CDC42BPA: variants seen among roughly 807,000 people sequenced by gnomAD.
CDC42BPA encodes CDC42 binding protein kinase alpha.
Under a neutral mutation model 223.5 loss-of-function variants are expected in CDC42BPA, and 80 were observed. The ratio of observed to expected loss-of-function variants is 0.36; its 90% confidence interval spans 0.30 to 0.43. CDC42BPA has a LOEUF of 0.43. Ranked by LOEUF, CDC42BPA falls within the 20% of genes least tolerant of loss-of-function variation. The pLI is 1.00. For missense variants in CDC42BPA, 1,743 were observed against 2,099.9 expected (o/e 0.83, Z 3.32); for synonymous variants, 694 against 718.6 (o/e 0.97, Z 0.55).
At chr1:227,224,404 G>T (rs1360954043) in intron 2 of CDC42BPA, among the ~76,000 whole-genome samples, 3 of 151,964 alleles carry the variant, frequency 2.0e-5, no homozygotes, top group African/African-American at 7.2e-5. Flanking sequence ...GGCTAATTTT[G>T]TATGTTTAGT....
intron 3 of CDC42BPA, among the ~76,000 whole-genome samples, chr1:227,208,653 A>C (rs1220908453): frequency 1.3e-5 from 2 of 148,898 alleles, no homozygotes; most frequent in African/African-American, 4.9e-5. Context: ...TTTGTCAAAG[A>C]TCAGATAGTT....
At chr1:227,013,410 A>C (rs1246056834) in intron 34 of CDC42BPA, among the ~76,000 whole-genome samples, 3 of 151,562 alleles carry the variant, frequency 2.0e-5, no homozygotes, top group Non-Finnish European at 4.4e-5. Flanking sequence ...TTTTTCTTAA[A>C]GTGGTGGAAG....
chr1:227,044,452 T>C (rs1672003636), intron 23 of CDC42BPA, among the ~76,000 whole-genome samples: 1 of 152,214 alleles, frequency 6.6e-6, no homozygotes, highest in East Asian at 1.9e-4. Context: ...ATCAAATTAA[T>C]ACATACACAT....
At chr1:227,077,754 T>A (rs1201336979) in intron 17 of CDC42BPA, among the ~76,000 whole-genome samples, 2 of 152,118 alleles carry the variant, frequency 1.3e-5, no homozygotes, top group Non-Finnish European at 2.9e-5. Context: ...TGTATCATCT[T>A]CCCCAAGGGT....
At chr1:227,022,086 A>C (rs1667488059) in intron 32 of CDC42BPA, among the ~76,000 whole-genome samples, 1 of 152,164 alleles carries the variant, frequency 6.6e-6, no homozygotes, top group African/African-American at 2.4e-5. Context: ...TAAACATTTT[A>C]ATGTGTTTTC....
At chr1:227,226,611 G>A (rs1044922249) in intron 2 of CDC42BPA, among the ~76,000 whole-genome samples, 2 of 152,102 alleles carry the variant, frequency 1.3e-5, no homozygotes, top group Non-Finnish European at 2.9e-5. Context: ...CCTCAGCTGC[G>A]AAGACCAGCC....
chr1:227,016,333 T>C (rs1340151798), intron 33 of CDC42BPA, 136 bp from the exon 34 acceptor site: 3 of 632,682 alleles, frequency 4.7e-6, no homozygotes, highest in African/African-American at 1.9e-5. Context: ...TAACAGAATA[T>C]ACTCAATTAA....
At chr1:227,244,178 T>A (rs557997410) in intron 2 of CDC42BPA, among the ~76,000 whole-genome samples, 1 of 152,264 alleles carries the variant, frequency 6.6e-6, no homozygotes, top group East Asian at 1.9e-4. Flanking sequence ...TAAATTTGTA[T>A]CAAACACAAA....
chr1:227,072,376 C>T (rs533241462), intron 19 of CDC42BPA, 77 bp from the exon 20 acceptor site: 3 of 800,016 alleles, frequency 3.7e-6, no homozygotes, highest in African/African-American at 3.5e-5. Flanking sequence ...TGTAGCCAAA[C>T]TTACTTGGTT....
chr1:227,303,118 G>A (rs1238070480), intron 1 of CDC42BPA, among the ~76,000 whole-genome samples: 1 of 151,370 alleles, frequency 6.6e-6, no homozygotes, highest in African/African-American at 2.4e-5. Flanking sequence ...TCAGATGTCT[G>A]GCAATTCTAT....
At chr1:227,119,678 G>T in intron 12 of CDC42BPA, 126 bp downstream of exon 12, 1 of 618,686 alleles carries the variant, frequency 1.6e-6, no homozygotes, top group Non-Finnish European at 2.4e-6. Flanking sequence ...TAAATTTTTA[G>T]ACCAACTTTT....
chr1:227,194,730 A>G (rs1267933738), intron 4 of CDC42BPA, among the ~76,000 whole-genome samples: 3 of 152,190 alleles, frequency 2.0e-5, no homozygotes, highest in Admixed American at 6.5e-5. Context: ...TGTACATTAT[A>G]TATTATTTTT....
At chr1:227,163,442 G>A (rs1038344188) in intron 5 of CDC42BPA, among the ~76,000 whole-genome samples, 5 of 152,078 alleles carry the variant, frequency 3.3e-5, no homozygotes, top group African/African-American at 9.7e-5. Context: ...ATGTAGAAGT[G>A]AAATTTCTGA....
At chr1:227,176,709 T>G (rs1558681613) in intron 5 of CDC42BPA, among the ~76,000 whole-genome samples, 1 of 152,160 alleles carries the variant, frequency 6.6e-6, no homozygotes, top group Non-Finnish European at 1.5e-5. Flanking sequence ...TACTAGAAAA[T>G]GTATACTATA....
At chr1:227,028,144 T>G (rs1026640111) in intron 30 of CDC42BPA, among the ~76,000 whole-genome samples, 6 of 151,036 alleles carry the variant, frequency 4.0e-5, no homozygotes, top group Non-Finnish European at 1.5e-5. Flanking sequence ...AAGTATTCAA[T>G]AATTTATTAT....
At chr1:227,060,011 T>C (rs578056422) in intron 21 of CDC42BPA, among the ~76,000 whole-genome samples, 2 of 149,292 alleles carry the variant, frequency 1.3e-5, no homozygotes. Flanking sequence ...GGAACAATTA[T>C]CTCAAAAAGT....
chr1:227,254,569 C>T (rs977630932), intron 1 of CDC42BPA, among the ~76,000 whole-genome samples: 4 of 152,312 alleles, frequency 2.6e-5, no homozygotes, highest in African/African-American at 9.6e-5. Flanking sequence ...GTTTCTTTCA[C>T]GCTCATTCAT....
chr1:227,005,593 G>A (rs980509733), intron 34 of CDC42BPA, among the ~76,000 whole-genome samples: 1 of 152,300 alleles, frequency 6.6e-6, no homozygotes, highest in Admixed American at 6.5e-5. Context: ...TCACACCCCA[G>A]TCACCAGGCA....
intron 1 of CDC42BPA, among the ~76,000 whole-genome samples, chr1:227,281,871 T>C (rs1688062859): frequency 6.6e-6 from 1 of 151,708 alleles, no homozygotes; most frequent in African/African-American, 2.4e-5. Context: ...GAGCAGTCAA[T>C]CAGGAAAAAA....
Sources: gnomAD v4.1 joint callset for allele counts (sites outside exome capture counted in the v4.1 genomes callset) on GRCh38, gnomAD v4.1.1 for gene constraint, MANE v1.5 for transcripts, NCBI Gene and HGNC (gene_info 2026-07-23, HGNC 2026-07-21) for gene names.